RGL1: variants seen among roughly 807,000 people sequenced by gnomAD.
RGL1 encodes ral guanine nucleotide dissociation stimulator-like 1.
In RGL1, 24 loss-of-function variants were observed where a neutral mutation model predicts 95.2. The observed-to-expected ratio is 0.25, with a 90% CI of 0.18 to 0.35. The LOEUF (loss-of-function observed/expected upper bound fraction) is 0.35. Ranked by LOEUF, RGL1 falls within the 10% of genes least tolerant of loss-of-function variation. The probability of loss-of-function intolerance (pLI) is 1.00; values close to 1 mark genes in which losing one functional copy is unlikely to be tolerated. For synonymous variants in RGL1, 329 were observed against 344.9 expected (o/e 0.95, Z 0.51); for missense variants, 715 against 936.3 (o/e 0.76, Z 3.08).
chr1:183,694,473 T>C (rs28369496), intron 1 of RGL1, among the ~76,000 whole-genome samples: 1 of 152,180 alleles, frequency 6.6e-6, no homozygotes, highest in East Asian at 1.9e-4. Context: ...TCTCTAGCTA[T>C]GAGATAATAT....
chr1:183,864,627 T>C (rs1665714321), intron 3 of RGL1, among the ~76,000 whole-genome samples: 1 of 152,186 alleles, frequency 6.6e-6, no homozygotes, highest in Non-Finnish European at 1.5e-5. Flanking sequence ...TGAGTTCTTA[T>C]CTCAGGAAGA....
At chr1:183,912,060 T>G (rs1160500631) in intron 14 of RGL1, 22 bp from the exon 15 acceptor site, 2 of 1,606,284 alleles carry the variant, frequency 1.2e-6, no homozygotes, top group Non-Finnish European at 1.7e-6. Context: ...GCCCAAATGC[T>G]TGGCATTCTG....
At position 183,838,792 on chromosome 1, in the gene RGL1, C is replaced by T. The variant is rs550471604; in HGVS notation, c.139-8774C>T. 1.4e-3 allele frequency among the ~76,000 whole-genome samples: 208 copies of T among 152,280 alleles called. 1 individual carries two copies. The highest frequency in any genetic ancestry group is 4.7e-3 in the African/African-American group (196 of 41,572). On this transcript the variant is annotated intron_variant, in intron 2 of 17. Coordinates refer to ENST00000360851, the MANE Select transcript of RGL1 (RefSeq NM_001297671.3). Reference sequence around the variant, plus strand: ...GGGCAGGGGTATGCTGATAAACTGGCCCTCCAAAATAAAAACCCTAATTTG... The same window carrying T: ...GGGCAGGGGTATGCTGATAAACTGGTCCTCCAAAATAAAAACCCTAATTTG...
chr1:183,751,410 C>T (rs551545028), intron 2 of RGL1, among the ~76,000 whole-genome samples: 1 of 152,122 alleles, frequency 6.6e-6, no homozygotes, highest in Non-Finnish European at 1.5e-5. Flanking sequence ...GATGCAAGCT[C>T]GAGGGTCCCA....
intron 15 of RGL1, among the ~76,000 whole-genome samples, chr1:183,913,592 A>G (rs1356195010): frequency 6.6e-6 from 1 of 152,202 alleles, no homozygotes; most frequent in Non-Finnish European, 1.5e-5. Flanking sequence ...CATTTGGGGA[A>G]GGTTTCTGGC....
intron 14 of RGL1, 68 bp from the exon 15 acceptor site, chr1:183,912,014 A>G: frequency 2.8e-6 from 4 of 1,408,502 alleles, no homozygotes; most frequent in Middle Eastern, 2.3e-4. Flanking sequence ...ATCAACACAA[A>G]ATATTTGCCT....
intron 1 of RGL1, among the ~76,000 whole-genome samples, chr1:183,640,134 G>A (rs1328740249): frequency 6.6e-6 from 1 of 152,162 alleles, no homozygotes; most frequent in Non-Finnish European, 1.5e-5. Flanking sequence ...ACTGTGCCTG[G>A]CCAAAGGGAA....
intron 4 of RGL1, among the ~76,000 whole-genome samples, chr1:183,871,038 G>A (rs1666153150): frequency 6.6e-6 from 1 of 152,184 alleles, no homozygotes; most frequent in East Asian, 1.9e-4. Context: ...TGGAGTAAAT[G>A]CTCGCTGAGG....
At chr1:183,891,178 A>G (rs549398957) in intron 8 of RGL1, among the ~76,000 whole-genome samples, 3 of 152,280 alleles carry the variant, frequency 2.0e-5, no homozygotes, top group South Asian at 4.2e-4. Context: ...TACACTCACT[A>G]TAAAACAGGC....
Position 183,847,769 on chromosome 1 carries a change from G to A in RGL1, c.342G>A (p.Leu114=). 6.2e-7 allele frequency: 1 copy of A among 1,613,110 alleles called. No homozygotes were observed. Among genetic ancestry groups the A allele is most frequent in the Non-Finnish European group, 8.5e-7 (1 of 1,179,194 alleles). ...ASTKEVLELL[L]DRYGNLTSPN... ...CTAAAGAAGTGCTGGAACTACTGCT[G>A]GACAGGTAAGAATGTAAAGGAGCTT... The change falls in exon 3 of 18, where the codon CTG becomes CTA. Residue 114 remains leucine, a synonymous_variant. Coordinates refer to ENST00000360851, the MANE Select transcript of RGL1 (RefSeq NM_001297671.3).
intron 1 of RGL1, among the ~76,000 whole-genome samples, chr1:183,692,130 AT>A (rs1653980746): frequency 6.6e-6 from 1 of 152,020 alleles, no homozygotes; most frequent in Non-Finnish European, 1.5e-5. Context: ...ATAAAGTCAT[AT>A]ATGTGGCAGA....
intron 2 of RGL1, among the ~76,000 whole-genome samples, chr1:183,742,597 T>G (rs187556205): frequency 5.1e-4 from 78 of 152,324 alleles, no homozygotes; most frequent in Non-Finnish European, 7.5e-4. Context: ...GGTATCCCGC[T>G]AGCTACATTC....
At chr1:183,748,820 T>G (rs1020612585) in intron 2 of RGL1, among the ~76,000 whole-genome samples, 1 of 152,228 alleles carries the variant, frequency 6.6e-6, no homozygotes, top group Non-Finnish European at 1.5e-5. Context: ...ATACATTGTA[T>G]CTTTGTTCTC....
At chr1:183,706,919 T>C (rs1432170521) in intron 1 of RGL1, among the ~76,000 whole-genome samples, 2 of 152,212 alleles carry the variant, frequency 1.3e-5, no homozygotes, top group Admixed American at 6.5e-5. Flanking sequence ...AGGTTTAAGA[T>C]AGTGGTTCCT....
rs184337043 is a variant in RGL1 at position 183,850,873 on chromosome 1, C to A, written c.347+3099C>A. 5.9e-5 allele frequency among the ~76,000 whole-genome samples: 9 copies of A among 152,202 alleles called. No homozygotes were observed. The East Asian group carries it at 1.5e-3, about 26-fold the overall frequency. On this transcript the variant is annotated intron_variant, in intron 3 of 17. Transcript: ENST00000360851. ...TACAAGTTTACTTTGGAATTGGTAA[C>A]CTCTTCTATTTATGGGGTGACTATT...
intron 17 of RGL1, among the ~76,000 whole-genome samples, chr1:183,923,144 C>T (rs558654982): frequency 5.4e-4 from 82 of 152,270 alleles, no homozygotes; most frequent in African/African-American, 1.8e-3. Context: ...CCCTTTCTGC[C>T]GCCAGACCCC....
intron 1 of RGL1, among the ~76,000 whole-genome samples, chr1:183,729,951 C>T (rs1013250032): frequency 3.3e-5 from 5 of 151,948 alleles, no homozygotes; most frequent in African/African-American, 7.3e-5. Flanking sequence ...CATGGTTGCC[C>T]GGGGCCAGTG....
chr1:183,858,631 G>C (rs185535739), intron 3 of RGL1, among the ~76,000 whole-genome samples: 75 of 152,228 alleles, frequency 4.9e-4, no homozygotes, highest in Non-Finnish European at 9.4e-4. Context: ...GGAAGATACT[G>C]GTGGTTTTGA....
chr1:183,670,883 T>A (rs1287731633), intron 1 of RGL1, among the ~76,000 whole-genome samples: 1 of 152,246 alleles, frequency 6.6e-6, no homozygotes, highest in Non-Finnish European at 1.5e-5. Context: ...TTGAATTGTT[T>A]CTAGTGTTGG....
Sources: allele counts gnomAD v4.1 joint callset (sites outside exome capture counted in the v4.1 genomes callset), GRCh38; gene constraint gnomAD v4.1.1; transcripts MANE v1.5; gene names NCBI Gene and HGNC (gene_info 2026-07-23, HGNC 2026-07-21).